Variants in VWC2 observed in about 807,000 individuals in gnomAD.
The protein encoded by VWC2 is brorin.
Under a neutral mutation model 29.8 loss-of-function variants are expected in VWC2, and 14 were observed. The observed-to-expected ratio is 0.47, with a 90% confidence interval of 0.31 to 0.74. The LOEUF is 0.74. VWC2 is among the 30% of genes least tolerant of loss of function. The pLI is 0.05. For missense variants in VWC2, 457 were observed against 459.8 expected (o/e 0.99, Z 0.05); for synonymous variants, 213 against 199.0 (o/e 1.07, Z -0.59).
chr7:49,879,262 T>C (rs1791574488), intron 3 of VWC2, among the ~76,000 whole-genome samples: 1 of 152,234 alleles, frequency 6.6e-6, no homozygotes, highest in South Asian at 2.1e-4. Context: ...ATTGAAATTC[T>C]GTCAGATAAT....
At chr7:49,779,413 A>C (rs1788126411) in intron 2 of VWC2, among the ~76,000 whole-genome samples, 2 of 152,214 alleles carry the variant, frequency 1.3e-5, no homozygotes. Context: ...TAATGAGAGT[A>C]ATGTGTTCAT....
chr7:49,813,947 A>G (rs1320898472), intron 3 of VWC2, among the ~76,000 whole-genome samples: 1 of 152,220 alleles, frequency 6.6e-6, no homozygotes, highest in Non-Finnish European at 1.5e-5. Flanking sequence ...GCCTGGAGGA[A>G]ATGACTCGCT....
chr7:49,911,403 A>G (rs769654384), intron 3 of VWC2, among the ~76,000 whole-genome samples: 8 of 132,974 alleles, frequency 6.0e-5, no homozygotes, highest in Non-Finnish European at 1.2e-4. Context: ...AATCGCTTGA[A>G]CCCCGGAGGC....
At chr7:49,785,751 C>T (rs564273719) in intron 2 of VWC2, among the ~76,000 whole-genome samples, 21 of 152,038 alleles carry the variant, frequency 1.4e-4, no homozygotes, top group African/African-American at 3.1e-4. Context: ...AGTGTTAATC[C>T]GATTGATGTA....
intron 3 of VWC2, among the ~76,000 whole-genome samples, chr7:49,819,984 G>A (rs562812267): frequency 6.6e-6 from 1 of 152,216 alleles, no homozygotes; most frequent in South Asian, 2.1e-4. Flanking sequence ...CCCTATTTTG[G>A]GAGGTGTATT....
At chr7:49,798,997 G>A (rs1453731613) in intron 2 of VWC2, among the ~76,000 whole-genome samples, 1 of 152,226 alleles carries the variant, frequency 6.6e-6, no homozygotes, top group South Asian at 2.1e-4. Flanking sequence ...AGCGAGACAG[G>A]ACAGCATTGA....
chr7:49,824,519 AT>A (rs1185892283), intron 3 of VWC2, among the ~76,000 whole-genome samples: 1 of 152,122 alleles, frequency 6.6e-6, no homozygotes, highest in Non-Finnish European at 1.5e-5. Context: ...GTCCAACTTT[AT>A]TTTTTAAAAT....
At chr7:49,807,107 A>G (rs1371852667) in intron 3 of VWC2, among the ~76,000 whole-genome samples, 1 of 152,190 alleles carries the variant, frequency 6.6e-6, no homozygotes, top group African/African-American at 2.4e-5. Flanking sequence ...AAGTCTCCAT[A>G]CTTAAAAAAC....
intron 3 of VWC2, among the ~76,000 whole-genome samples, chr7:49,902,047 T>G (rs569134331): frequency 4.0e-5 from 6 of 151,846 alleles, no homozygotes; most frequent in Non-Finnish European, 8.8e-5. Context: ...TAAAATAGAT[T>G]ATATACCTAC....
Position 49,920,533 on chromosome 7 carries a change from G to C in VWC2, c.*8348G>C, listed in dbSNP as rs959588611. On this transcript the variant is annotated 3_prime_UTR_variant, in exon 4 of 4. Coordinates refer to ENST00000340652, the MANE Select transcript of VWC2 (RefSeq NM_198570.5). ...GAAATTCCTTTTAAGTCAGACTTAAGTCCACGGAAAGCTGGACCTAAGCAG... is the reference window on the plus strand; with the variant it reads ...GAAATTCCTTTTAAGTCAGACTTAACTCCACGGAAAGCTGGACCTAAGCAG... The C allele has an allele frequency of 6.6e-6, 1 of 152,176 alleles. No individual in the cohort carries two copies. Among genetic ancestry groups the C allele is most frequent in the African/African-American group, 2.4e-5 (1 of 41,452 alleles). The allele number at this position is 152,176 out of a possible 1,614,324, so 9.4% of individuals were successfully genotyped here.
At chr7:49,882,548 CAGAG>C (rs766895099) in intron 3 of VWC2, among the ~76,000 whole-genome samples, 2 of 151,742 alleles carry the variant, frequency 1.3e-5, no homozygotes, top group African/African-American at 4.8e-5. Flanking sequence ...GAGAGAGAGA[CAGAG>C]AGAGACACAC....
At chr7:49,902,955 A>G (rs1265588267) in intron 3 of VWC2, among the ~76,000 whole-genome samples, 1 of 152,178 alleles carries the variant, frequency 6.6e-6, no homozygotes, top group Non-Finnish European at 1.5e-5. Context: ...GAAAATAGGC[A>G]AAATACATGA....
intron 1 of VWC2, among the ~76,000 whole-genome samples, chr7:49,774,772 G>T (rs922846034): frequency 2.0e-5 from 3 of 152,202 alleles, no homozygotes; most frequent in African/African-American, 4.8e-5. Flanking sequence ...CTCCCGAGAC[G>T]GGAGTCTTTT....
chr7:49,872,842 G>A (rs1409110492), intron 3 of VWC2, among the ~76,000 whole-genome samples: 1 of 140,744 alleles, frequency 7.1e-6, no homozygotes, highest in African/African-American at 2.6e-5. Flanking sequence ...CTTGAAACCA[G>A]GAGGCAGAGG....
chr7:49,818,117 G>A (rs1047597699), intron 3 of VWC2, among the ~76,000 whole-genome samples: 7 of 152,160 alleles, frequency 4.6e-5, no homozygotes, highest in African/African-American at 7.2e-5. Flanking sequence ...ATCTTAGGAG[G>A]GAATGGCTAA....
chr7:49,909,036 G>A (rs181741806), intron 3 of VWC2, among the ~76,000 whole-genome samples: 1 of 152,296 alleles, frequency 6.6e-6, no homozygotes, highest in African/African-American at 2.4e-5. Flanking sequence ...CAACAGGATA[G>A]GTGAAATATA....
At chr7:49,852,261 G>T (rs1050110973) in intron 3 of VWC2, among the ~76,000 whole-genome samples, 1 of 152,198 alleles carries the variant, frequency 6.6e-6, no homozygotes, top group African/African-American at 2.4e-5. Context: ...TGACCCTGGA[G>T]CATCAGGGGG....
At chr7:49,789,353 CT>C (rs1788411553) in intron 2 of VWC2, among the ~76,000 whole-genome samples, 1 of 145,614 alleles carries the variant, frequency 6.9e-6, no homozygotes, top group African/African-American at 2.5e-5. Flanking sequence ...GTATATGTGG[CT>C]GTGTGTGTGT....
chr7:49,787,016 G>A (rs1788315420), intron 2 of VWC2, among the ~76,000 whole-genome samples: 1 of 152,094 alleles, frequency 6.6e-6, no homozygotes, highest in African/African-American at 2.4e-5. Context: ...AGCCAGCTCA[G>A]CCTTAGGCCA....
Sources: allele counts gnomAD v4.1 joint callset (sites outside exome capture counted in the v4.1 genomes callset), GRCh38; gene constraint gnomAD v4.1.1; transcripts MANE v1.5; gene names NCBI Gene and HGNC (gene_info 2026-07-23, HGNC 2026-07-21).